Variants in SYNE1 observed in about 807,000 individuals in gnomAD.
SYNE1 encodes the protein spectrin repeat containing nuclear envelope protein 1, also known as nesprin-1.
In SYNE1, 616 loss-of-function variants were observed where a neutral mutation model predicts 1,111.0. The observed-to-expected ratio is 0.55, with a 90% CI of 0.52 to 0.59. The LOEUF (loss-of-function observed/expected upper bound fraction) is 0.59. Ranked by LOEUF, SYNE1 falls within the 20% of genes least tolerant of loss-of-function variation. SYNE1 has a pLI of 0.00. For missense variants in SYNE1, 10,006 were observed against 10,417.0 expected (o/e 0.96, Z 1.72); for synonymous variants, 3,855 against 3,825.8 (o/e 1.01, Z -0.28).
chr6:152,270,280 T>A (rs1052867925), intron 98 of SYNE1, among the ~76,000 whole-genome samples: 1 of 152,170 alleles, frequency 6.6e-6, no homozygotes, highest in African/African-American at 2.4e-5. Flanking sequence ...TTAAAAAAAG[T>A]CATTTACTGT....
intron 3 of SYNE1, among the ~76,000 whole-genome samples, chr6:152,542,374 T>C (rs2099275457): frequency 6.6e-6 from 1 of 152,208 alleles, no homozygotes; most frequent in Non-Finnish European, 1.5e-5. Flanking sequence ...TGCTCATTAA[T>C]TTTCAAGTGT....
chr6:152,341,856 A>G (rs539181954), intron 74 of SYNE1, among the ~76,000 whole-genome samples: 2 of 152,308 alleles, frequency 1.3e-5, no homozygotes, highest in South Asian at 4.1e-4. Context: ...ACATGACATT[A>G]TTTGAGGACC....
chr6:152,627,074 C>A (rs1286903011), intron 3 of SYNE1, among the ~76,000 whole-genome samples: 1 of 152,122 alleles, frequency 6.6e-6, no homozygotes, highest in Non-Finnish European at 1.5e-5. Flanking sequence ...GCTTTCTTAG[C>A]AAAGACTAGC....
At chr6:152,132,038 G>T in intron 144 of SYNE1, 84 bp downstream of exon 144, 1 of 1,319,968 alleles carries the variant, frequency 7.6e-7, no homozygotes, top group Non-Finnish European at 1.1e-6. Context: ...ACGCCTGCCT[G>T]TGAACCCTGT....
At chr6:152,196,095 G>C (rs2074046962) in intron 127 of SYNE1, among the ~76,000 whole-genome samples, 1 of 151,046 alleles carries the variant, frequency 6.6e-6, no homozygotes, top group Admixed American at 6.6e-5. Context: ...GGCCATTGCT[G>C]ATGTTTACAT....
intron 39 of SYNE1, among the ~76,000 whole-genome samples, chr6:152,422,477 G>A (rs753185222): frequency 1.3e-5 from 2 of 151,648 alleles, no homozygotes; most frequent in African/African-American, 2.4e-5. Flanking sequence ...CCACTCCTTT[G>A]TCTATCTCTA....
At chr6:152,439,281 T>C (rs973253630) in intron 32 of SYNE1, among the ~76,000 whole-genome samples, 9 of 152,174 alleles carry the variant, frequency 5.9e-5, no homozygotes, top group African/African-American at 1.2e-4. Flanking sequence ...AATGGAATCA[T>C]AGGGGGTCAG....
chr6:152,589,592 A>G (rs1459052601), intron 3 of SYNE1, among the ~76,000 whole-genome samples: 1 of 152,148 alleles, frequency 6.6e-6, no homozygotes, highest in Non-Finnish European at 1.5e-5. Flanking sequence ...TCAACATTTC[A>G]TCCATCAATT....
intron 54 of SYNE1, among the ~76,000 whole-genome samples, 155 bp from the exon 55 acceptor site, chr6:152,385,993 T>C (rs2097521571): frequency 6.6e-6 from 1 of 152,208 alleles, no homozygotes; most frequent in Non-Finnish European, 1.5e-5. Context: ...AAGAAGAAAC[T>C]ATCAAATTTA....
intron 142 of SYNE1, chr6:152,134,547 T>C (rs914594338): frequency 3.7e-5 from 6 of 160,118 alleles, no homozygotes; most frequent in African/African-American, 7.2e-5. Flanking sequence ...CTTACACCTG[T>C]AGTCCCACCT....
chr6:152,263,226 G>A (rs146714415), intron 100 of SYNE1, among the ~76,000 whole-genome samples: 8 of 151,702 alleles, frequency 5.3e-5, no homozygotes, highest in Non-Finnish European at 8.8e-5. Context: ...AGGAAGGATC[G>A]TATAGAGCCT....
intron 91 of SYNE1, among the ~76,000 whole-genome samples, chr6:152,305,278 T>G (rs2095335767): frequency 6.6e-6 from 1 of 152,094 alleles, no homozygotes; most frequent in South Asian, 2.1e-4. Context: ...ATTATTATTA[T>G]TTTTTGAGAC....
intron 48 of SYNE1, 137 bp downstream of exon 48, chr6:152,399,479 A>T: frequency 9.3e-7 from 1 of 1,071,700 alleles, no homozygotes; most frequent in Non-Finnish European, 1.4e-6. Context: ...CTATTGCTCA[A>T]ATCGCAAAGC....
At chr6:152,452,012 G>GAA (rs3830848) in intron 25 of SYNE1, among the ~76,000 whole-genome samples, 20 of 141,768 alleles carry the variant, frequency 1.4e-4, no homozygotes, top group South Asian at 2.2e-4. Flanking sequence ...AAAAAGAAAA[G>GAA]AAAAAAAAAA....
intron 98 of SYNE1, among the ~76,000 whole-genome samples, chr6:152,274,359 T>A (rs2093429224): frequency 6.6e-6 from 1 of 152,230 alleles, no homozygotes; most frequent in African/African-American, 2.4e-5. Flanking sequence ...GTGAATTATC[T>A]CTTCATATCT....
At position 152,353,745 on chromosome 6, in the gene SYNE1, C is replaced by T. The variant is rs547207998; in HGVS notation, c.10927-1G>A. 6.2e-7 allele frequency: 1 copy of T among 1,613,910 alleles called. No individual in the cohort carries two copies. Among genetic ancestry groups the T allele is most frequent in the African/African-American group, 1.3e-5 (1 of 75,062 alleles). On this transcript the variant is annotated splice_acceptor_variant, in intron 67 of 145. Transcript: ENST00000367255. LOFTEE classifies it high-confidence loss of function. ...ATGCAGTCACTTCTTCGTGCCACTT[C>T]TGAAATGACAAAGTATCGAAGGGAA... is the stretch of plus-strand genomic sequence containing the variant.
At chr6:152,589,067 C>G (rs1023525397) in intron 3 of SYNE1, among the ~76,000 whole-genome samples, 1 of 151,950 alleles carries the variant, frequency 6.6e-6, no homozygotes, top group Non-Finnish European at 1.5e-5. Flanking sequence ...CCACCACGCC[C>G]GGATCATTTT....
intron 138 of SYNE1, among the ~76,000 whole-genome samples, chr6:152,142,764 C>T (rs529940908): frequency 4.9e-4 from 75 of 152,282 alleles, no homozygotes; most frequent in Non-Finnish European, 6.9e-4. Flanking sequence ...AGGAAACAAA[C>T]TCATAATTGA....
intron 11 of SYNE1, among the ~76,000 whole-genome samples, chr6:152,493,859 T>C (rs1290176718): frequency 6.6e-6 from 1 of 152,170 alleles, no homozygotes; most frequent in African/African-American, 2.4e-5. Flanking sequence ...CCATCCTGAC[T>C]AAACCATCAT....
Sources: allele counts gnomAD v4.1 joint callset (sites outside exome capture counted in the v4.1 genomes callset), GRCh38; gene constraint gnomAD v4.1.1; transcripts MANE v1.5; gene names NCBI Gene and HGNC (gene_info 2026-07-23, HGNC 2026-07-21).